The following ARHGAP10 variants were observed in gnomAD, a reference collection of about 807,000 sequenced individuals.
The protein encoded by ARHGAP10 is rho GTPase-activating protein 10.
In ARHGAP10, 87 loss-of-function variants were observed where a neutral mutation model predicts 108.6. That is an observed-to-expected ratio of 0.80 (90% CI 0.67 to 0.96). The LOEUF is 0.96. Ranked by LOEUF, ARHGAP10 falls within the 40% of genes least tolerant of loss-of-function variation. ARHGAP10 has a pLI of 0.00. For synonymous variants in ARHGAP10, 347 were observed against 341.1 expected, an observed-to-expected ratio of 1.02 and a Z score of -0.19; for missense variants, 939 against 954.5, an observed-to-expected ratio of 0.98 and a Z score of 0.21.
At chr4:147,867,155 G>A (rs999267449) in intron 7 of ARHGAP10, among the ~76,000 whole-genome samples, 4 of 152,122 alleles carry the variant, frequency 2.6e-5, no homozygotes, top group African/African-American at 9.7e-5. Flanking sequence ...ACTTAACTGG[G>A]CATCTTGATT....
chr4:148,072,181 T>C lies in ARHGAP10; in HGVS notation c.*100T>C. 1 of 963,064 alleles carries C rather than the reference T, an allele frequency of 1.0e-6. No homozygotes were observed. Among genetic ancestry groups the C allele is most frequent in the Non-Finnish European group, 1.5e-6 (1 of 673,580 alleles). The allele number at this position is 963,064 out of a possible 1,614,324, so 59.7% of individuals were successfully genotyped here. Reference sequence around the variant, plus strand: ...CGAGGCTCTGGGCTGCACCCACAGGTACCTCCACACTTGGGAGTTACCATC... The same window carrying C: ...CGAGGCTCTGGGCTGCACCCACAGGCACCTCCACACTTGGGAGTTACCATC... On this transcript the variant is annotated 3_prime_UTR_variant, in exon 23 of 23. Transcript: ENST00000336498.
chr4:147,738,850 C>T (rs1402995635), intron 1 of ARHGAP10, among the ~76,000 whole-genome samples: 1 of 152,082 alleles, frequency 6.6e-6, no homozygotes, highest in Non-Finnish European at 1.5e-5. Context: ...GAAAGGCTTC[C>T]AAATTTTGAT....
chr4:147,929,830 A>G (rs1410028318), intron 13 of ARHGAP10, among the ~76,000 whole-genome samples: 3 of 152,318 alleles, frequency 2.0e-5, no homozygotes, highest in Non-Finnish European at 2.9e-5. Flanking sequence ...ATCTAAAATA[A>G]TGATTAATAT....
chr4:147,896,657 T>C (rs1579172334), intron 10 of ARHGAP10, among the ~76,000 whole-genome samples: 1 of 152,132 alleles, frequency 6.6e-6, no homozygotes, highest in East Asian at 1.9e-4. Flanking sequence ...TGAATTTATT[T>C]TTTTTCAACT....
chr4:147,980,139 T>A (rs1290161762), intron 18 of ARHGAP10, among the ~76,000 whole-genome samples: 3 of 152,236 alleles, frequency 2.0e-5, no homozygotes, highest in Non-Finnish European at 4.4e-5. Context: ...TTCCAGCTTT[T>A]ACTCATTCAG....
chr4:147,863,177 C>T (rs896212449), intron 5 of ARHGAP10: 3 of 152,168 alleles, frequency 2.0e-5, no homozygotes, highest in Non-Finnish European at 2.9e-5. Flanking sequence ...GCAACTGTCA[C>T]CACCATGCAT....
chr4:148,056,520 C>T (rs549234925), intron 20 of ARHGAP10, among the ~76,000 whole-genome samples: 9 of 151,938 alleles, frequency 5.9e-5, no homozygotes, highest in Non-Finnish European at 1.2e-4. Flanking sequence ...ACAGAGCTTC[C>T]GTAGACCCTT....
intron 1 of ARHGAP10, among the ~76,000 whole-genome samples, chr4:147,785,149 T>G (rs777177077): frequency 2.0e-4 from 30 of 149,956 alleles, no homozygotes; most frequent in Non-Finnish European, 3.7e-4. Context: ...TATTGACTTG[T>G]TTAGCTTTCA....
At chr4:147,752,694 A>C in intron 1 of ARHGAP10, among the ~76,000 whole-genome samples, 1 of 152,016 alleles carries the variant, frequency 6.6e-6, no homozygotes, top group Non-Finnish European at 1.5e-5. Flanking sequence ...TGCCTGGCTG[A>C]TTTCTGTATT....
At chr4:147,831,211 C>T (rs1732943460) in intron 3 of ARHGAP10, among the ~76,000 whole-genome samples, 1 of 152,208 alleles carries the variant, frequency 6.6e-6, no homozygotes, top group Non-Finnish European at 1.5e-5. Flanking sequence ...TGGATACACT[C>T]TAAATTGTTT....
At chr4:147,840,053 A>T (rs1264740812) in intron 3 of ARHGAP10, among the ~76,000 whole-genome samples, 1 of 152,142 alleles carries the variant, frequency 6.6e-6, no homozygotes, top group Non-Finnish European at 1.5e-5. Context: ...TCCCAGATTG[A>T]TAGAGATGGA....
intron 10 of ARHGAP10, among the ~76,000 whole-genome samples, chr4:147,905,076 G>A (rs533012718): frequency 0.076 from 11,568 of 152,012 alleles, 1,294 homozygotes; most frequent in African/African-American, 0.25. Context: ...TTTTGATGGG[G>A]TTGTTTGTTT....
intron 1 of ARHGAP10, among the ~76,000 whole-genome samples, chr4:147,815,473 G>C (rs902987607): frequency 6.6e-6 from 1 of 152,088 alleles, no homozygotes; most frequent in African/African-American, 2.4e-5. Flanking sequence ...GGCCGGAGGC[G>C]GGGGGCGGGG....
chr4:147,766,608 A>G (rs1729826363), intron 1 of ARHGAP10, among the ~76,000 whole-genome samples: 1 of 139,336 alleles, frequency 7.2e-6, no homozygotes, highest in East Asian at 2.6e-4. Context: ...ATGTGTGTAT[A>G]TGTGTATGTA....
At chr4:147,762,790 A>C (rs1355293212) in intron 1 of ARHGAP10, among the ~76,000 whole-genome samples, 1 of 151,984 alleles carries the variant, frequency 6.6e-6, no homozygotes, top group Non-Finnish European at 1.5e-5. Flanking sequence ...TCAGCCTCCC[A>C]AAGTGCTGGG....
intron 18 of ARHGAP10, among the ~76,000 whole-genome samples, chr4:147,990,449 T>C (rs181120666): frequency 9.2e-5 from 14 of 152,298 alleles, no homozygotes; most frequent in African/African-American, 3.4e-4. Context: ...ATTTCCAAGA[T>C]AACTAAAAGT....
At chr4:148,033,530 ATTTTCT>A (rs1326680245) in intron 19 of ARHGAP10, among the ~76,000 whole-genome samples, 4 of 152,214 alleles carry the variant, frequency 2.6e-5, no homozygotes, top group Non-Finnish European at 4.4e-5. Context: ...AGAGTTGGTG[ATTTTCT>A]TTATACATAT....
At chr4:147,935,243 A>G (rs1245933943) in intron 13 of ARHGAP10, among the ~76,000 whole-genome samples, 1 of 152,204 alleles carries the variant, frequency 6.6e-6, no homozygotes, top group African/African-American at 2.4e-5. Flanking sequence ...TGTGTGCCTT[A>G]CATACTTGTT....
At chr4:147,948,273 C>T (rs901952731) in intron 15 of ARHGAP10, among the ~76,000 whole-genome samples, 4 of 152,070 alleles carry the variant, frequency 2.6e-5, no homozygotes, top group Non-Finnish European at 4.4e-5. Context: ...TTACTGTACC[C>T]ATAAATACTT....
Sources: gnomAD v4.1 joint callset for allele counts (sites outside exome capture counted in the v4.1 genomes callset) on GRCh38, gnomAD v4.1.1 for gene constraint, MANE v1.5 for transcripts, NCBI Gene and HGNC (gene_info 2026-07-23, HGNC 2026-07-21) for gene names.